NSUN2: variants seen among roughly 807,000 people sequenced by gnomAD.
NSUN2 encodes RNA cytosine C(5)-methyltransferase NSUN2.
NSUN2 carries 63 observed loss-of-function variants against 92.7 expected under a neutral mutation model. The observed-to-expected ratio is 0.68, with a 90% confidence interval of 0.56 to 0.84. The LOEUF (loss-of-function observed/expected upper bound fraction) is 0.84, where lower values mean the gene tolerates loss of function less well. NSUN2 is among the 40% of genes least tolerant of loss of function. The pLI is 0.00. For missense variants in NSUN2, 989 were observed against 964.9 expected, an observed-to-expected ratio of 1.02 and a Z score of -0.33; for synonymous variants, 356 against 348.3, an observed-to-expected ratio of 1.02 and a Z score of -0.25.
rs1346423896 is a variant in NSUN2, at chr5:6,632,695, T to C, written c.158A>G (p.Gln53Arg). The C allele has an allele frequency of 1.2e-6, 2 of 1,614,102 alleles. No homozygotes were observed. Among genetic ancestry groups the C allele is most frequent in the South Asian group, 1.1e-5 (1 of 91,086 alleles). ...GCCCTCGGGCACGATCTTGAGCTCC[T>C]GGTAGTAGTGCTCGAACAGCTTGTT... is the stretch of plus-strand genomic sequence containing the variant. ...KENKLFEHYY[Q>R]ELKIVPEGEW... Residue 53 changes from glutamine to arginine, a missense_variant, in exon 2 of 19, where the codon CAG becomes CGG. By Grantham distance (43) the Gln-to-Arg change is conservative. Transcript: ENST00000264670.
intron 3 of NSUN2, among the ~76,000 whole-genome samples, chr5:6,628,174 C>G (rs1039316069): frequency 6.6e-6 from 1 of 152,112 alleles, no homozygotes; most frequent in East Asian, 1.9e-4. Context: ...ATGGCAAAAC[C>G]CCAACTGTAC....
At chr5:6,611,165 T>C in intron 10 of NSUN2, 80 bp from the exon 11 acceptor site, 1 of 1,488,016 alleles carries the variant, frequency 6.7e-7, no homozygotes, top group Non-Finnish European at 9.2e-7. Flanking sequence ...GTATCCATTC[T>C]CTCAAAGGTG....
Position 6,607,379 on chromosome 5 carries a change from C to T in NSUN2, c.1329G>A (p.Gln443=), listed in dbSNP as rs752528756. 5.6e-6 allele frequency: 9 copies of T among 1,609,524 alleles called. No homozygotes were observed. The highest frequency in any genetic ancestry group is 7.6e-6 in the Non-Finnish European group (9 of 1,177,108). The part of the protein sequence containing the change: ...MPWNKRQPKL[Q]GKSAETREST... ...TTTCTCTGGTCTCTGCAGATTTACC[C>T]TGAAGCTGTCATAAAGAACAATTTC... The change falls in exon 13 of 19, where the codon CAG becomes CAA. Residue 443 remains glutamine, a synonymous_variant. Coordinates refer to ENST00000264670, the MANE Select transcript of NSUN2 (RefSeq NM_017755.6).
chr5:6,600,953 C>T (rs3776443), intron 18 of NSUN2, among the ~76,000 whole-genome samples: 31,354 of 150,228 alleles, frequency 0.21, 3,764 homozygotes, highest in East Asian at 0.44. Context: ...GGCATCGACG[C>T]CCCAGCAGAG....
At chr5:6,621,828 GTGTT>G (rs1460060257) in intron 6 of NSUN2, 184 bp downstream of exon 6, 42 of 563,754 alleles carry the variant, frequency 7.5e-5, no homozygotes, top group Admixed American at 2.6e-4. Flanking sequence ...TGGTATGAGT[GTGTT>G]TGTTTGAGTA....
chr5:6,610,282 G>A lies in NSUN2; in HGVS notation c.1227-360C>T, dbSNP rs914022612. Among the ~76,000 whole-genome samples the A allele has an allele frequency of 2.0e-4, 31 of 151,368 alleles. 2 individuals are homozygous for A. Among genetic ancestry groups the A allele is most frequent in the Middle Eastern group, 6.8e-3 (2 of 294 alleles). On this transcript the variant is annotated intron_variant, in intron 11 of 18. Transcript: ENST00000264670. ...TGTAGAGATGGGGTCTTGCCATGTC[G>A]TCCAGGCTGGTCTCAAACTTTTGAG...
At chr5:6,618,518 T>C (rs1737304969) in intron 7 of NSUN2, among the ~76,000 whole-genome samples, 1 of 152,214 alleles carries the variant, frequency 6.6e-6, no homozygotes, top group African/African-American at 2.4e-5. Flanking sequence ...GGAAGTTATT[T>C]TCATGTTTTT....
Position 6,620,696 on chromosome 5 carries a change from G to A in NSUN2, c.623-398C>T, listed in dbSNP as rs571187774. The A allele has an allele frequency of 4.1e-4, 63 of 154,026 alleles. No individual in the cohort carries two copies. In the Middle Eastern group the frequency reaches 9.9e-3, roughly 24 times the overall value. The allele number at this position is 154,026 out of a possible 1,614,324, so 9.5% of individuals were successfully genotyped here. ...AGCCGGGACCCTGCTCTGACTGTGAGTCAGGCTCCTAGGGTGGGGCCCCAA... is the reference window on the plus strand; with the variant it reads ...AGCCGGGACCCTGCTCTGACTGTGAATCAGGCTCCTAGGGTGGGGCCCCAA... On this transcript the variant is annotated intron_variant, in intron 6 of 18. Coordinates refer to ENST00000264670, the MANE Select transcript of NSUN2 (RefSeq NM_017755.6).
Position 6,600,185 on chromosome 5 carries a change from C to A in NSUN2, c.2045G>T (p.Gly682Val). 1.9e-6 allele frequency: 3 copies of A among 1,614,222 alleles called. No homozygotes were observed. The highest frequency in any genetic ancestry group is 2.5e-6 in the Non-Finnish European group (3 of 1,180,040). ...CACAAAAGTTCGAATGGAGGCCTTT[C>A]CCCGCCATCCGCATAAGACGATGGG... Reference protein sequence around the residue: ...QCPIVLCGWRGKASIRTFVPK... With the variant: ...QCPIVLCGWRVKASIRTFVPK... The change falls in exon 19 of 19, where the codon GGA becomes GTA. Residue 682 changes from glycine (G) to valine (V), a missense_variant. By Grantham distance (109) the Gly-to-Val change is moderately radical. Around this residue, in one of 3 missense-constraint regions of NSUN2, gnomAD observed 626 missense variants for 602.3 expected, o/e 1.04. Coordinates refer to ENST00000264670, the MANE Select transcript of NSUN2 (RefSeq NM_017755.6).
intron 8 of NSUN2, among the ~76,000 whole-genome samples, chr5:6,617,392 A>G (rs1376629831): frequency 2.0e-5 from 3 of 152,216 alleles, no homozygotes; most frequent in African/African-American, 7.2e-5. Context: ...AAAAGAATAC[A>G]CTGCTCTACA....
intron 12 of NSUN2, among the ~76,000 whole-genome samples, chr5:6,607,670 T>C (rs538906077): frequency 5.9e-5 from 9 of 152,348 alleles, no homozygotes; most frequent in Middle Eastern, 6.8e-3. Context: ...CAGCTTGTTC[T>C]CGTGTAAAAA....
At chr5:6,605,013 G>A in intron 15 of NSUN2, 1 of 596,222 alleles carries the variant, frequency 1.7e-6, no homozygotes, top group East Asian at 2.8e-5. Context: ...CGAGCTGTGA[G>A]AACTACACCA....
chr5:6,607,048 C>T, intron 13 of NSUN2, 136 bp from the exon 14 acceptor site: 1 of 978,206 alleles, frequency 1.0e-6, no homozygotes, highest in South Asian at 1.5e-5. Context: ...CTTCCGGCTT[C>T]CACAGAGTCC....
At chr5:6,621,240 G>T (rs775520079) in intron 6 of NSUN2, 1 of 152,150 alleles carries the variant, frequency 6.6e-6, no homozygotes, top group Non-Finnish European at 1.5e-5. Flanking sequence ...TTTCACATGG[G>T]ATGTCTAACA....
intron 11 of NSUN2, among the ~76,000 whole-genome samples, chr5:6,610,684 A>T (rs63308061): frequency 2.1e-4 from 6 of 28,148 alleles, no homozygotes; most frequent in Non-Finnish European, 6.3e-4. Context: ...ACTCTCTCTC[A>T]AAAAAAAAAA....
intron 18 of NSUN2, among the ~76,000 whole-genome samples, chr5:6,601,881 T>G (rs1363154079): frequency 6.6e-6 from 1 of 152,106 alleles, no homozygotes; most frequent in African/African-American, 2.4e-5. Flanking sequence ...GCTGAGGAGC[T>G]CTGGGCAAGC....
intron 10 of NSUN2, among the ~76,000 whole-genome samples, chr5:6,611,316 C>A (rs1398793704): frequency 1.3e-5 from 2 of 152,002 alleles, no homozygotes; most frequent in African/African-American, 4.8e-5. Context: ...ATTCTAAAAA[C>A]CAGGACAAGC....
chr5:6,620,283 G>A lies in NSUN2; in HGVS notation c.638C>T (p.Ala213Val), dbSNP rs747293316. 4.4e-6 allele frequency: 7 copies of A among 1,590,418 alleles called. No individual in the cohort carries two copies. The highest frequency in any genetic ancestry group is 6.0e-6 in the Non-Finnish European group (7 of 1,169,730). ...NVPFPEGFVIANDVDNKRCYL... is the reference protein window; with the variant it reads ...NVPFPEGFVIVNDVDNKRCYL... ...GCAGCGCTTGTTGTCCACATCATTC[G>A]CAATAACAAATCCCTCTGAAGGCAC... Residue 213 changes from alanine (A) to valine (V), a missense_variant, in exon 7 of 19, where the codon GCG becomes GTG. By Grantham distance (64) the Ala-to-Val change is moderately conservative. Around this residue, in one of 3 missense-constraint regions of NSUN2, gnomAD observed 356 missense variants for 338.6 expected, o/e 1.05. Transcript: ENST00000264670.
At chr5:6,609,987 C>T in intron 11 of NSUN2, 65 bp from the exon 12 acceptor site, 2 of 1,062,026 alleles carry the variant, frequency 1.9e-6, no homozygotes, top group Non-Finnish European at 2.8e-6. Flanking sequence ...ACTATTAAGA[C>T]AAATACCGCA....
Sources: gnomAD v4.1 joint callset for allele counts (sites outside exome capture counted in the v4.1 genomes callset) on GRCh38, gnomAD v4.1.1 for gene constraint, gnomAD v4.1.1 regional missense constraint, MANE v1.5 for transcripts, NCBI Gene and HGNC (gene_info 2026-07-23, HGNC 2026-07-21) for gene names.